Variants in TIMELESS observed in about 807,000 individuals in gnomAD.
TIMELESS encodes timeless circadian regulator, also known as protein timeless homolog.
In TIMELESS, 124 loss-of-function variants were observed where a neutral mutation model predicts 164.3. The observed-to-expected ratio is 0.75, with a 90% confidence interval of 0.65 to 0.88. The LOEUF is 0.88. Among genes scored for constraint, TIMELESS ranks in the 40% least tolerant of loss-of-function variants. The pLI is 0.00. For synonymous variants in TIMELESS, 564 were observed against 563.4 expected (o/e 1.00, Z -0.02); for missense variants, 1,422 against 1,491.4 (o/e 0.95, Z 0.77).
intron 18 of TIMELESS, 73 bp downstream of exon 18, chr12:56,423,201 T>A (rs1305957954): frequency 6.4e-7 from 1 of 1,555,382 alleles, no homozygotes; most frequent in South Asian, 1.2e-5. Flanking sequence ...GCACCTTCTA[T>A]CTCCTGAAGA....
intron 15 of TIMELESS, among the ~76,000 whole-genome samples, chr12:56,424,526 T>C (rs1401787618): frequency 6.6e-6 from 1 of 152,210 alleles, no homozygotes; most frequent in Non-Finnish European, 1.5e-5. Flanking sequence ...GACTTATTGA[T>C]GATGTCAAGT....
At chr12:56,426,936 GTTT>G (rs969554972) in intron 13 of TIMELESS, among the ~76,000 whole-genome samples, 5 of 151,814 alleles carry the variant, frequency 3.3e-5, no homozygotes, top group African/African-American at 1.2e-4. Context: ...TTGTCCCAGG[GTTT>G]TTTTTATTTT....
At position 56,422,979 on chromosome 12, in the gene TIMELESS, A is replaced by C; in HGVS notation, c.2306T>G (p.Phe769Cys). 6.2e-7 allele frequency: 1 copy of C among 1,613,796 alleles called. No individual in the cohort carries two copies. Among genetic ancestry groups the C allele is most frequent in the South Asian group, 1.1e-5 (1 of 91,006 alleles). ...AAGAYKELVT[F>C]AKYILGKFFA... Reference sequence around the variant, plus strand: ...AAATTTGCCCAGGATGTATTTGGCAAAAGTCACTAGCTCCTGTAGGAGAAG... The same window carrying C: ...AAATTTGCCCAGGATGTATTTGGCACAAGTCACTAGCTCCTGTAGGAGAAG... The change falls in exon 19 of 29, where the codon TTT becomes TGT. Residue 769 changes from phenylalanine (F) to cysteine (C), a missense_variant. Transcript: ENST00000553532.
At chr12:56,438,083 C>T (rs1882128836) in intron 1 of TIMELESS, among the ~76,000 whole-genome samples, 1 of 152,056 alleles carries the variant, frequency 6.6e-6, no homozygotes, top group Non-Finnish European at 1.5e-5. Context: ...GCTCTGTCAC[C>T]CAGCCTGGGG....
chr12:56,439,694 A>G (rs188706703), intron 1 of TIMELESS, among the ~76,000 whole-genome samples: 103 of 152,302 alleles, frequency 6.8e-4, no homozygotes, highest in African/African-American at 2.4e-3. Context: ...CACCACACCT[A>G]GCCTGAATTG....
intron 13 of TIMELESS, among the ~76,000 whole-genome samples, chr12:56,426,026 GGTC>G (rs1881666139): frequency 6.6e-6 from 1 of 152,166 alleles, no homozygotes; most frequent in African/African-American, 2.4e-5. Context: ...GGCCCCTGAA[GGTC>G]ATGCTCCATT....
intron 13 of TIMELESS, 120 bp from the exon 14 acceptor site, chr12:56,425,272 C>T: frequency 8.1e-7 from 1 of 1,227,756 alleles, no homozygotes; most frequent in South Asian, 1.6e-5. Flanking sequence ...TATCTGCTAT[C>T]CATCGGTAAT....
chr12:56,442,817 C>T (rs1464004198), intron 1 of TIMELESS, among the ~76,000 whole-genome samples: 2 of 152,184 alleles, frequency 1.3e-5, no homozygotes, highest in Non-Finnish European at 2.9e-5. Context: ...ATTTCATGGA[C>T]ATTTATTAGT....
At chr12:56,420,224 A>G (rs1881420422) in intron 26 of TIMELESS, among the ~76,000 whole-genome samples, 1 of 151,782 alleles carries the variant, frequency 6.6e-6, no homozygotes, top group East Asian at 1.9e-4. Context: ...ATACTACAAA[A>G]AGGGACTTCA....
At chr12:56,448,210 G>T (rs937535116) in intron 1 of TIMELESS, among the ~76,000 whole-genome samples, 1 of 149,540 alleles carries the variant, frequency 6.7e-6, no homozygotes, top group East Asian at 2.0e-4. Flanking sequence ...GTTCGAGACC[G>T]GCCTGGCCAA....
intron 7 of TIMELESS, 150 bp from the exon 8 acceptor site, chr12:56,431,754 T>G (rs1881891572): frequency 1.1e-6 from 1 of 922,398 alleles, no homozygotes; most frequent in African/African-American, 1.7e-5. Flanking sequence ...GGAAATGTTC[T>G]AAGACACCCA....
intron 1 of TIMELESS, among the ~76,000 whole-genome samples, chr12:56,437,053 C>T (rs1882096208): frequency 6.6e-6 from 1 of 151,898 alleles, no homozygotes; most frequent in East Asian, 1.9e-4. Flanking sequence ...CCTCAGCCTC[C>T]CAAGTAGCTT....
intron 5 of TIMELESS, 80 bp from the exon 6 acceptor site, chr12:56,433,207 G>T: frequency 6.8e-7 from 1 of 1,464,856 alleles, no homozygotes; most frequent in Non-Finnish European, 9.6e-7. Context: ...CCCAGGCATA[G>T]AAGAGAAGCA....
chr12:56,435,740 A>G (rs1478308980), intron 1 of TIMELESS, among the ~76,000 whole-genome samples: 1 of 152,012 alleles, frequency 6.6e-6, no homozygotes, highest in East Asian at 1.9e-4. Context: ...CGGGCGGATC[A>G]TGAGGTCAGG....
Position 56,431,548 on chromosome 12 carries a change from T to C in TIMELESS, c.744A>G (p.Ala248=). The C allele has an allele frequency of 6.2e-7, 1 of 1,613,866 alleles. No homozygotes were observed. The highest frequency in any genetic ancestry group is 8.5e-7 in the Non-Finnish European group (1 of 1,179,970). Reference sequence around the variant, plus strand: ...GCAACACCTCCAGTTCTGCAAAATCTGCACTCCGCTCCTGAGCTAAGCGTC... The same window carrying C: ...GCAACACCTCCAGTTCTGCAAAATCCGCACTCCGCTCCTGAGCTAAGCGTC... ...GQGRLAQERS[A]DFAELEVLRQ... Residue 248 remains alanine (A), a synonymous_variant, in exon 8 of 29, where the codon GCA becomes GCG. Coordinates refer to ENST00000553532, the MANE Select transcript of TIMELESS (RefSeq NM_003920.5).
chr12:56,423,768 G>T (rs747315509), intron 16 of TIMELESS, 29 bp downstream of exon 16: 7 of 1,614,166 alleles, frequency 4.3e-6, no homozygotes, highest in Non-Finnish European at 5.1e-6. Flanking sequence ...AGAGCTGGAA[G>T]GAGACAGATG....
At position 56,417,387 on chromosome 12, in the gene TIMELESS, A is replaced by T. The variant is rs1881297988; in HGVS notation, c.*329T>A. ...AAAGCCAAAGGAACAGACCAATAAA[A>T]GGGGTCCGGGGTGCTTTCTCTATTT... On this transcript the variant is annotated 3_prime_UTR_variant, in exon 29 of 29. Coordinates refer to ENST00000553532, the MANE Select transcript of TIMELESS (RefSeq NM_003920.5). The T allele has an allele frequency of 4.1e-6, 1 of 245,580 alleles. No individual in the cohort carries two copies. The highest frequency in any genetic ancestry group is 7.9e-6 in the Non-Finnish European group (1 of 126,466). The allele number at this position is 245,580 out of a possible 1,614,324, so 15.2% of individuals were successfully genotyped here.
intron 1 of TIMELESS, among the ~76,000 whole-genome samples, chr12:56,436,961 C>T (rs2638313): frequency 0.044 from 6,584 of 150,796 alleles, 270 homozygotes; most frequent in South Asian, 0.11. Context: ...CAGAGTCTCA[C>T]GCTCTGTTGC....
chr12:56,433,980 G>A, intron 2 of TIMELESS, 54 bp from the exon 3 acceptor site: 1 of 1,612,372 alleles, frequency 6.2e-7, no homozygotes, highest in Non-Finnish European at 8.5e-7. Flanking sequence ...GCTCCATCCA[G>A]ACCCACATCT....
Sources: gnomAD v4.1 joint callset for allele counts (sites outside exome capture counted in the v4.1 genomes callset) on GRCh38, gnomAD v4.1.1 for gene constraint, MANE v1.5 for transcripts, NCBI Gene and HGNC (gene_info 2026-07-23, HGNC 2026-07-21) for gene names.